The following PRAME variants were observed in gnomAD, a reference collection of about 807,000 sequenced individuals.
PRAME encodes melanoma antigen preferentially expressed in tumors.
In PRAME, 21 loss-of-function variants were observed where a neutral mutation model predicts 32.1. The observed-to-expected ratio is 0.65, with a 90% confidence interval of 0.46 to 0.94. The LOEUF is 0.94. Among genes scored for constraint, PRAME ranks in the 40% least tolerant of loss-of-function variants. PRAME has a pLI of 0.00. For synonymous variants in PRAME, 274 were observed against 251.5 expected, an observed-to-expected ratio of 1.09 and a Z score of -0.85; for missense variants, 651 against 622.3, an observed-to-expected ratio of 1.05 and a Z score of -0.49.
chr22:22,550,844 T>A lies in PRAME; in HGVS notation c.267A>T (p.Gly89=), dbSNP rs139811851. The A allele has an allele frequency of 3.8e-5, 61 of 1,613,294 alleles. No individual in the cohort carries two copies. The African/African-American group carries it at 7.3e-4, about 19-fold the overall frequency. Residue 89 remains glycine (G), a synonymous_variant, in exon 4 of 6, where the codon GGA becomes GGT. Transcript: ENST00000405655. The part of the protein sequence containing the change: ...TCLPLGVLMK[G]QHLHLETFKA... ...TGAAGGTCTCCAGGTGAAGATGTTG[T>A]CCCTTCATCAGCACTCCCAGAGGGA...
chr22:22,558,801 GC>G lies in PRAME; in HGVS notation c.-114+169del, dbSNP rs1303381724. The stretch of plus-strand genomic sequence containing the variant: ...CGACCTCCCTTTTCTTCAGTGGGAT[GC>G]GGGGTGCAGGGGCCGGTTCCAGGGT... On this transcript the variant is annotated intron_variant, in intron 1 of 5. Transcript: ENST00000405655. Among the ~76,000 whole-genome samples, 3 of 151,604 alleles carry G rather than the reference GC, an allele frequency of 2.0e-5. No homozygotes were observed. In the East Asian group the frequency reaches 6.0e-4, roughly 30 times the overall value.
At chr22:22,558,396 G>A (rs1343158921) in intron 1 of PRAME, among the ~76,000 whole-genome samples, 1 of 28,352 alleles carries the variant, frequency 3.5e-5, no homozygotes, top group Non-Finnish European at 7.6e-5. Flanking sequence ...GACAGAAGGC[G>A]GGCCAGGGCG....
Position 22,549,868 on chromosome 22 carries a change from G to A in PRAME, c.811C>T (p.His271Tyr). 1 of 1,613,862 alleles carries A rather than the reference G, an allele frequency of 6.2e-7. No individual in the cohort carries two copies. The highest frequency in any genetic ancestry group is 1.3e-5 in the African/African-American group (1 of 74,978). The stretch of plus-strand genomic sequence containing the variant: ...TCCGGGGAAATGTAGGAAGATGCAT[G>A]GATGTGGGAGAGGAGGAGTCTACGC... The part of the protein sequence containing the change: ...NLRRLLLSHI[H>Y]ASSYISPEKE... The change falls in exon 5 of 6, where the codon CAT becomes TAT. Residue 271 changes from histidine to tyrosine, a missense_variant. By Grantham distance (83) the His-to-Tyr change is moderately conservative. Coordinates refer to ENST00000405655, the MANE Select transcript of PRAME (RefSeq NM_206956.3).
rs1274831455 is a variant in PRAME, at chr22:22,548,644, C to CTATT, written c.954-2_954-1insAATA. The CTATT allele has an allele frequency of 1.1e-5, 17 of 1,587,140 alleles. No individual in the cohort carries two copies. The highest frequency in any genetic ancestry group is 8.5e-7 in the Non-Finnish European group (1 of 1,170,646). ...GGTTTCCAAGGGGTTCATCACGTGCCTGCAAATAGACAAAGCAGTTAGTGC... is the reference window on the plus strand; with the variant it reads ...GGTTTCCAAGGGGTTCATCACGTGCCTATTTGCAAATAGACAAAGCAGTTAGTGC... On this transcript the variant is annotated splice_acceptor_variant, in intron 5 of 5. Coordinates refer to ENST00000405655, the MANE Select transcript of PRAME (RefSeq NM_206956.3). LOFTEE classifies it high-confidence loss of function.
rs147281170 is a variant in PRAME, at chr22:22,548,282, C to T, written c.1315G>A (p.Val439Met). ...HLIGLSNLTH[V>M]LYPVPLESYE... ...CTCTCCAGGGGGACAGGATACAGCA[C>T]GTGGGTCAGATTGCTCAGCCCGATG... Residue 439 changes from valine to methionine, a missense_variant, in exon 6 of 6, where the codon GTG (valine) becomes ATG (methionine). By Grantham distance (21) the Val-to-Met change is conservative. Transcript: ENST00000405655. 7.4e-6 allele frequency: 12 copies of T among 1,613,784 alleles called. No homozygotes were observed. Among genetic ancestry groups the T allele is most frequent in the South Asian group, 4.4e-5 (4 of 91,070 alleles).
rs779426303 is a variant in PRAME, at chr22:22,550,751, G to A, written c.344+16C>T. 2 of 1,556,244 alleles carry A rather than the reference G, an allele frequency of 1.3e-6. No individual in the cohort carries two copies. The highest frequency in any genetic ancestry group is 1.7e-6 in the Non-Finnish European group (2 of 1,148,832). On this transcript the variant is annotated intron_variant, in intron 4 of 5. Coordinates refer to ENST00000405655, the MANE Select transcript of PRAME (RefSeq NM_206956.3). ...GGTTCCCAGGGCCCCACACCAAGCT[G>A]CTAGGTCACCCTTACCTGGGGCGAA...
At position 22,549,783 on chromosome 22, in the gene PRAME, T is replaced by A; in HGVS notation, c.896A>T (p.Gln299Leu). The change falls in exon 5 of 6, where the codon CAG becomes CTG. Residue 299 changes from glutamine to leucine, a missense_variant. Physicochemically the swap from Gln to Leu is moderately radical, Grantham distance 113. Transcript: ENST00000405655. Reference protein sequence around the residue: ...TSQFLSLQCLQALYVDSLFFL... With the variant: ...TSQFLSLQCLLALYVDSLFFL... ...AAATAAAGAGTCCACATAGAGAGCC[T>A]GCAGGCACTGCAGACTGAGGAACTG... 6.2e-7 allele frequency: 1 copy of A among 1,613,736 alleles called. No individual in the cohort carries two copies. The highest frequency in any genetic ancestry group is 8.5e-7 in the Non-Finnish European group (1 of 1,179,926).
At chr22:22,556,971 C>T (rs991626972) in intron 2 of PRAME, 62 bp from the exon 3 acceptor site, 5 of 1,127,136 alleles carry the variant, frequency 4.4e-6, no homozygotes, top group South Asian at 3.9e-5. Flanking sequence ...TACGAAGCAA[C>T]GGCCTCCTGT....
At chr22:22,549,139 C>A (rs1448868636) in intron 5 of PRAME, among the ~76,000 whole-genome samples, 1 of 151,920 alleles carries the variant, frequency 6.6e-6, no homozygotes, top group Admixed American at 6.6e-5. Flanking sequence ...AGGGGGTTCC[C>A]AGGCTGCAGG....
chr22:22,550,320 T>TG lies in PRAME; in HGVS notation c.358dup (p.Gln120ProfsTer70), dbSNP rs1297754708. On this transcript the variant is annotated frameshift_variant, in exon 5 of 6. Transcript: ENST00000405655. LOFTEE classifies it high-confidence loss of function. ...AGAGTTCTTCCGTAAATCCAGCACT[T>TG]GAAGTTTCCACCTCCTGTGGGGAAA... 1.6e-5 allele frequency: 26 copies of TG among 1,612,396 alleles called. No individual in the cohort carries two copies. Among genetic ancestry groups the TG allele is most frequent in the Non-Finnish European group, 2.1e-5 (25 of 1,179,610 alleles).
At chr22:22,552,933 C>T (rs910274508) in intron 3 of PRAME, 1 of 470,790 alleles carries the variant, frequency 2.1e-6, no homozygotes, top group Non-Finnish European at 4.4e-6. Flanking sequence ...CTGGGCATAC[C>T]TCCCCTTTCA....
intron 3 of PRAME, among the ~76,000 whole-genome samples, chr22:22,551,718 C>T (rs749376839): frequency 4.6e-5 from 7 of 151,884 alleles, no homozygotes; most frequent in Admixed American, 6.6e-5. Context: ...TGGAAATCAG[C>T]GGAGCAAACA....
chr22:22,554,776 A>G (rs960708167), intron 3 of PRAME, among the ~76,000 whole-genome samples: 4 of 152,000 alleles, frequency 2.6e-5, no homozygotes, highest in Non-Finnish European at 4.4e-5. Context: ...TAAGTGTTAG[A>G]AAGGGCTGAT....
rs771887412 is a variant in PRAME, at chr22:22,548,083, CAG to C, written c.1512_1513del (p.Cys505PhefsTer4). On this transcript the variant is annotated frameshift_variant, in exon 6 of 6. Transcript: ENST00000405655. LOFTEE classifies it high-confidence loss of function. ...TGCACCCAGCTAATTAGGCATGAAA[CAG>C]GGGCACAGGATGGGCTCCGGGTCAT... is the stretch of plus-strand genomic sequence containing the variant. 143 of 1,610,562 alleles carry C rather than the reference CAG, an allele frequency of 8.9e-5. No individual in the cohort carries two copies. In the African/African-American group the frequency reaches 1.1e-3, roughly 12 times the overall value.
chr22:22,551,103 C>T lies in PRAME; in HGVS notation c.22-14G>A, dbSNP rs762304858. The stretch of plus-strand genomic sequence containing the variant: ...CTGAATGGAACCCTGAGGAAACATA[C>T]AGGGAACAAGGCATCCCTTTCAGCC... On this transcript the variant is annotated splice_polypyrimidine_tract_variant and intron_variant, in intron 3 of 5. Transcript: ENST00000405655. 2 of 1,550,034 alleles carry T rather than the reference C, an allele frequency of 1.3e-6. No homozygotes were observed. Among genetic ancestry groups the T allele is most frequent in the South Asian group, 1.2e-5 (1 of 81,142 alleles).
At chr22:22,556,759 G>C in intron 3 of PRAME, 53 bp downstream of exon 3, 1 of 1,607,894 alleles carries the variant, frequency 6.2e-7, no homozygotes, top group South Asian at 1.1e-5. Context: ...GACAAGGACA[G>C]AGGGGAACAG....
chr22:22,557,233 CCCAA>C, intron 2 of PRAME: 1 of 216,736 alleles, frequency 4.6e-6, no homozygotes, highest in South Asian at 4.7e-5. Context: ...CTGGGCCGTC[CCCAA>C]CCCCCAGCAC....
At position 22,548,042 on chromosome 22, in the gene PRAME, T is replaced by C. The variant is rs774029804; in HGVS notation, c.*25A>G. 4 of 1,583,560 alleles carry C rather than the reference T, an allele frequency of 2.5e-6. No individual in the cohort carries two copies. In the East Asian group the frequency reaches 6.7e-5, roughly 27 times the overall value. On this transcript the variant is annotated 3_prime_UTR_variant, in exon 6 of 6. Transcript: ENST00000405655. Reference sequence around the variant, plus strand: ...GGCTTTAGTGTCCAAGTATGCAGAATGAAGCATTTGATATGTGCACCCAGC... The same window carrying C: ...GGCTTTAGTGTCCAAGTATGCAGAACGAAGCATTTGATATGTGCACCCAGC...
In PRAME at chr22:22,547,994, G is replaced by A; in HGVS notation, c.*73C>T. On this transcript the variant is annotated 3_prime_UTR_variant, in exon 6 of 6. Coordinates refer to ENST00000405655, the MANE Select transcript of PRAME (RefSeq NM_206956.3). The stretch of plus-strand genomic sequence containing the variant: ...TGTCTGAAACTGTGGCTGCTTTGTT[G>A]CTTCAAGATGCATGCACATCCTGGC... The A allele has an allele frequency of 1.4e-6, 2 of 1,441,732 alleles. No homozygotes were observed. The highest frequency in any genetic ancestry group is 2.7e-5 in the South Asian group (2 of 74,330). 89.3% of individuals were successfully genotyped at this position (1,441,732 alleles called of 1,614,324 possible). A position where few individuals can be genotyped will look rare whatever the true frequency, so the allele number is the denominator to read the frequency against.
Sources: gnomAD v4.1 joint callset for allele counts (sites outside exome capture counted in the v4.1 genomes callset) on GRCh38, gnomAD v4.1.1 for gene constraint, MANE v1.5 for transcripts, NCBI Gene and HGNC (gene_info 2026-07-23, HGNC 2026-07-21) for gene names.